RADIL: variants seen among roughly 807,000 people sequenced by gnomAD.
RADIL encodes Rap associating with DIL domain.
RADIL carries 99 observed loss-of-function variants against 97.6 expected under a neutral mutation model. The observed-to-expected ratio is 1.01, with a 90% CI of 0.86 to 1.20. The LOEUF is 1.20. Ranked by LOEUF, RADIL falls within the 50% of genes most tolerant of loss-of-function variation. The pLI is 0.00. For synonymous variants in RADIL, 803 were observed against 691.8 expected, an observed-to-expected ratio of 1.16 and a Z score of -2.52; for missense variants, 1,765 against 1,498.9, an observed-to-expected ratio of 1.18 and a Z score of -2.93.
rs1782911347 is a variant in RADIL, at chr7:4,824,178, A to G, written c.1455-1624T>C. 6.6e-6 allele frequency among the ~76,000 whole-genome samples: 1 copy of G among 152,136 alleles called. No homozygotes were observed. Among genetic ancestry groups the G allele is most frequent in the Admixed American group, 6.5e-5 (1 of 15,272 alleles). On this transcript the variant is annotated intron_variant, in intron 5 of 14. Transcript: ENST00000399583. This position sits in a 1 kb window ranked among gnomAD's most constrained non-coding sequence, Gnocchi z 6.7. Reference sequence around the variant, plus strand: ...TGCCTGCCCCATGGCTGGCCCGGGTACCCCTTGTCACCTGTGTCCCTTACT... The same window carrying G: ...TGCCTGCCCCATGGCTGGCCCGGGTGCCCCTTGTCACCTGTGTCCCTTACT...
At position 4,875,541 on chromosome 7, in the gene RADIL, A is replaced by G. The variant is rs1784356933; in HGVS notation, c.535+2064T>C. Reference sequence around the variant, plus strand: ...GCTCCTCCTCGCCCGGTGACACACAACGCAATGGCCTGAGGACAGGCCAGG... The same window carrying G: ...GCTCCTCCTCGCCCGGTGACACACAGCGCAATGGCCTGAGGACAGGCCAGG... On this transcript the variant is annotated intron_variant, in intron 2 of 14. Coordinates refer to ENST00000399583, the MANE Select transcript of RADIL (RefSeq NM_018059.5). 4.6e-5 allele frequency among the ~76,000 whole-genome samples: 7 copies of G among 152,254 alleles called. No individual in the cohort carries two copies. The South Asian group carries it at 1.5e-3, about 32-fold the overall frequency.
Position 4,871,107 on chromosome 7 carries a change from G to C in RADIL, c.535+6498C>G, listed in dbSNP as rs934633862. On this transcript the variant is annotated intron_variant, in intron 2 of 14. Transcript: ENST00000399583. The stretch of plus-strand genomic sequence containing the variant: ...TTTTAGGCTGGTGAAAAAAGGTTTG[G>C]GGTTGTTTTGCTTTTAGCCAGACCA... Among the ~76,000 whole-genome samples the C allele has an allele frequency of 2.0e-5, 3 of 152,264 alleles. No homozygotes were observed. In the East Asian group the frequency reaches 5.8e-4, roughly 29 times the overall value.
rs1295303719 is a variant in RADIL at position 4,867,788 on chromosome 7, G to A, written c.535+9817C>T. ...AAATATATGAAAGGTAAGTTGGAAT[G>A]GTATTCATTAATACACTAGAGTGGG... is the stretch of plus-strand genomic sequence containing the variant. On this transcript the variant is annotated intron_variant, in intron 2 of 14. Coordinates refer to ENST00000399583, the MANE Select transcript of RADIL (RefSeq NM_018059.5). This position sits in a 1 kb window ranked among gnomAD's most constrained non-coding sequence, Gnocchi z 4.1. Among the ~76,000 whole-genome samples, 1 of 152,146 alleles carries A rather than the reference G, an allele frequency of 6.6e-6. No individual in the cohort carries two copies. Among genetic ancestry groups the A allele is most frequent in the Admixed American group, 6.5e-5 (1 of 15,278 alleles).
At position 4,805,727 on chromosome 7, in the gene RADIL, A is replaced by G. The variant is rs2115165880; in HGVS notation, c.2140-11T>C. On this transcript the variant is annotated splice_polypyrimidine_tract_variant and intron_variant, in intron 9 of 14. Transcript: ENST00000399583. ...GGCTGTCCAGCTCATCTGGGTGACAAGAAGGAGCTCATGGTCACAGGTCTC... is the reference window on the plus strand; with the variant it reads ...GGCTGTCCAGCTCATCTGGGTGACAGGAAGGAGCTCATGGTCACAGGTCTC... The G allele has an allele frequency of 6.2e-7, 1 of 1,602,820 alleles. No individual in the cohort carries two copies. Among genetic ancestry groups the G allele is most frequent in the Middle Eastern group, 1.7e-4 (1 of 6,030 alleles).
intron 9 of RADIL, among the ~76,000 whole-genome samples, chr7:4,806,387 C>G (rs1404872185): frequency 1.3e-5 from 2 of 152,106 alleles, no homozygotes; most frequent in Admixed American, 6.5e-5. Flanking sequence ...CTCCTGGTCT[C>G]AAACTCCACG....
rs200001275 is a variant in RADIL, at chr7:4,800,278, G to C, written c.2875C>G (p.Pro959Ala). The change falls in exon 13 of 15, where the codon CCA (proline) becomes GCA (alanine). Residue 959 changes from proline to alanine, a missense_variant. By Grantham distance (27) the Pro-to-Ala change is conservative (BLOSUM62 -1). Coordinates refer to ENST00000399583, the MANE Select transcript of RADIL (RefSeq NM_018059.5). ...DSAALAEESP[P>A]APSSRSSSTE... is the part of the protein sequence containing the mutation. ...CTGGAGCTGCGGCTGGACGGGGCTG[G>C]AGGGGACTCCTCCGCAAGGGCTGCA... The C allele has an allele frequency of 9.2e-6, 14 of 1,521,918 alleles. No homozygotes were observed. The African/African-American group carries it at 1.8e-4, about 20-fold the overall frequency. The allele number at this position is 1,521,918 out of a possible 1,614,324, so 94.3% of individuals were successfully genotyped here.
At chr7:4,827,942 G>A (rs564360061) in intron 5 of RADIL, among the ~76,000 whole-genome samples, 3 of 151,682 alleles carry the variant, frequency 2.0e-5, no homozygotes, top group South Asian at 4.2e-4. Context: ...CAGTTTTACC[G>A]ATAAATTCAG....
Position 4,834,807 on chromosome 7 carries a change from G to T in RADIL, c.1216C>A (p.Leu406Ile). The T allele has an allele frequency of 7.5e-7, 1 of 1,328,748 alleles. No homozygotes were observed. The highest frequency in any genetic ancestry group is 9.7e-7 in the Non-Finnish European group (1 of 1,035,228). 82.3% of individuals were successfully genotyped at this position (1,328,748 alleles called of 1,614,324 possible). Residue 406 changes from leucine (L) to isoleucine (I), a missense_variant, in exon 4 of 15, where the codon CTC becomes ATC. By Grantham distance (5) the Leu-to-Ile change is conservative. Transcript: ENST00000399583. The surrounding 1 kb of genome is among the most constrained non-coding windows in gnomAD (Gnocchi z 6.0). ...QAALPRRQQL[L>I]LEFEPHLEDT... ...TCCAGGTGGGGCTCAAACTCCAGGA[G>T]CAGCTGCTGGCGCCGGGGCAGGGCG...
Position 4,801,936 on chromosome 7 carries a change from G to T in RADIL, c.2559C>A (p.Pro853=). 6.4e-7 allele frequency: 1 copy of T among 1,565,994 alleles called. No individual in the cohort carries two copies. Residue 853 remains proline, a synonymous_variant, in exon 12 of 15, where the codon CCC becomes CCA. Transcript: ENST00000399583. ...CCCGGGCTGCTGGGCCAGGGTCCCT[G>T]GGAGCCAGGGGGCAGCTCGGGGCCT... The part of the protein sequence containing the change: ...HLEAPSCPLA[P]RDPGPAAREV...
chr7:4,803,722 GT>G lies in RADIL; in HGVS notation c.2322del (p.Ile776SerfsTer96). On this transcript the variant is annotated frameshift_variant, in exon 11 of 15. Transcript: ENST00000399583. LOFTEE classifies it high-confidence loss of function. ...AAGCCGTCGCTGGGCAGGACGATGG[GT>G]GGGGGGTTTTCGTAGGACTCCAGAA... is the stretch of plus-strand genomic sequence containing the variant. The part of the protein sequence containing the change: ...EDVLESYENP[P>X]PIVLPSDGFQ... The G allele has an allele frequency of 6.4e-7, 1 of 1,567,728 alleles. No individual in the cohort carries two copies. Among genetic ancestry groups the G allele is most frequent in the Non-Finnish European group, 8.6e-7 (1 of 1,157,066 alleles).
At chr7:4,844,622 G>T (rs1783525630) in intron 2 of RADIL, among the ~76,000 whole-genome samples, 1 of 152,080 alleles carries the variant, frequency 6.6e-6, no homozygotes, top group African/African-American at 2.4e-5. Flanking sequence ...TTTTGTTTTT[G>T]AGAGAGGGTC....
At chr7:4,855,071 T>C (rs1220930218) in intron 2 of RADIL, among the ~76,000 whole-genome samples, 4 of 152,230 alleles carry the variant, frequency 2.6e-5, no homozygotes, top group Non-Finnish European at 5.9e-5. Context: ...TCCCTCAACA[T>C]GATGACACAC....
intron 2 of RADIL, among the ~76,000 whole-genome samples, chr7:4,876,357 A>G (rs1295516907): frequency 6.6e-6 from 1 of 151,848 alleles, no homozygotes; most frequent in African/African-American, 2.4e-5. Context: ...CTGGAGAGCA[A>G]TGGCATGATC....
chr7:4,836,644 T>A, intron 2 of RADIL, 39 bp from the exon 3 acceptor site: 1 of 1,601,512 alleles, frequency 6.2e-7, no homozygotes, highest in African/African-American at 1.3e-5. Context: ...GTTAGAAGTC[T>A]CATAGCACCA....
chr7:4,860,887 A>G (rs778089778), intron 2 of RADIL: 1 of 1,614,236 alleles, frequency 6.2e-7, no homozygotes, highest in East Asian at 2.2e-5. Context: ...GGTACCTATC[A>G]CTGGGATTTA....
Position 4,835,388 on chromosome 7 carries a change from C to A in RADIL, c.784-149G>T. ...TCCCTGGCCACCCCCACACCAGAAC[C>A]CCGACGGCTCTCAGGAACCCGCCCC... is the stretch of plus-strand genomic sequence containing the variant. On this transcript the variant is annotated intron_variant, in intron 3 of 14. Coordinates refer to ENST00000399583, the MANE Select transcript of RADIL (RefSeq NM_018059.5). The surrounding 1 kb of genome is among the most constrained non-coding windows in gnomAD (Gnocchi z 5.8). 9.5e-7 allele frequency: 1 copy of A among 1,055,246 alleles called. No homozygotes were observed. Among genetic ancestry groups the A allele is most frequent in the Non-Finnish European group, 1.4e-6 (1 of 738,132 alleles). 65.4% of individuals were successfully genotyped at this position (1,055,246 alleles called of 1,614,324 possible). A position where few individuals can be genotyped will look rare whatever the true frequency, so the allele number is the denominator to read the frequency against.
rs924474080 is a variant in RADIL, at chr7:4,805,338, C to T, written c.2290+228G>A. The T allele has an allele frequency of 3.4e-5, 16 of 467,264 alleles. No individual in the cohort carries two copies. In the East Asian group the frequency reaches 5.1e-4, roughly 15 times the overall value. 28.9% of individuals were successfully genotyped at this position (467,264 alleles called of 1,614,324 possible). On this transcript the variant is annotated intron_variant, in intron 10 of 14. Coordinates refer to ENST00000399583, the MANE Select transcript of RADIL (RefSeq NM_018059.5). Reference sequence around the variant, plus strand: ...CTGAGCCTGGAGTTTGGAACTTGGGCATGGACTCTCGGCTCCTTGACTCCC... The same window carrying T: ...CTGAGCCTGGAGTTTGGAACTTGGGTATGGACTCTCGGCTCCTTGACTCCC...
At chr7:4,800,669 C>T (rs981074596) in intron 12 of RADIL, among the ~76,000 whole-genome samples, 2 of 152,174 alleles carry the variant, frequency 1.3e-5, no homozygotes, top group East Asian at 1.9e-4. Flanking sequence ...CCAGATGTGG[C>T]CATGTGCACC....
At chr7:4,869,250 AG>A (rs1784199647) in intron 2 of RADIL, among the ~76,000 whole-genome samples, 1 of 152,174 alleles carries the variant, frequency 6.6e-6, no homozygotes, top group African/African-American at 2.4e-5. Context: ...CTCCCACCTT[AG>A]CCCCCTGAGT....
Sources: gnomAD v4.1 joint callset for allele counts (sites outside exome capture counted in the v4.1 genomes callset) on GRCh38, gnomAD v4.1.1 for gene constraint, Gnocchi (gnomAD v3.1) non-coding constraint, MANE v1.5 for transcripts, NCBI Gene and HGNC (gene_info 2026-07-23, HGNC 2026-07-21) for gene names.